FKBP1B: variants seen among roughly 807,000 people sequenced by gnomAD.
FKBP1B encodes the protein peptidyl-prolyl cis-trans isomerase FKBP1B.
Under a neutral mutation model 13.5 loss-of-function variants are expected in FKBP1B, and 4 were observed. The ratio of observed to expected loss-of-function variants is 0.30; its 90% CI spans 0.15 to 0.68. The LOEUF (loss-of-function observed/expected upper bound fraction) is 0.68, where lower values mean the gene tolerates loss of function less well. FKBP1B is among the 30% of genes least tolerant of loss of function. FKBP1B has a pLI of 0.76. For synonymous variants in FKBP1B, 54 were observed against 53.6 expected (o/e 1.01, Z -0.03); for missense variants, 93 against 136.2 (o/e 0.68, Z 1.58).
chr2:24,063,472 C>T lies in FKBP1B; in HGVS notation c.*280C>T. On this transcript the variant is annotated 3_prime_UTR_variant, in exon 4 of 4. Transcript: ENST00000380986. ...CCTTTCCTGATGACAGAACACAGAT[C>T]TCTTGTTCGCACAATCTACACTGCC... 7 of 387,504 alleles carry T rather than the reference C, an allele frequency of 1.8e-5. No individual in the cohort carries two copies. Among genetic ancestry groups the T allele is most frequent in the South Asian group, 1.6e-4 (3 of 18,476 alleles). 24.0% of individuals were successfully genotyped at this position (387,504 alleles called of 1,614,324 possible).
chr2:24,056,245 C>T (rs1228242898), intron 2 of FKBP1B, among the ~76,000 whole-genome samples: 2 of 152,018 alleles, frequency 1.3e-5, no homozygotes, highest in African/African-American at 2.4e-5. Flanking sequence ...CTGCCTCGGC[C>T]TCTCAAAGTG....
rs1244107837 is a variant in FKBP1B, at chr2:24,050,299, C to T, written c.37+413C>T. On this transcript the variant is annotated intron_variant, in intron 1 of 3. Transcript: ENST00000380986. The surrounding 1 kb of genome is among the most constrained non-coding windows in gnomAD (Gnocchi z 5.8). ...TCTCGGATACCCGCTGCTCGGGGAC[C>T]TCCTCCTAGCGCGTCCCCCGCCGGG... Among the ~76,000 whole-genome samples, 11 of 152,200 alleles carry T rather than the reference C, an allele frequency of 7.2e-5. No individual in the cohort carries two copies. In the East Asian group the frequency reaches 1.9e-3, roughly 27 times the overall value.
chr2:24,038,516 C>CCTT, the FKBP1B span: 11 of 1,614,102 alleles, frequency 6.8e-6, no homozygotes, highest in African/African-American at 8.0e-5. Flanking sequence ...ATGGTAACTG[C>CCTT]CTTCTTAAAG....
chr2:24,038,320 CAT>C, the FKBP1B span: 1 of 1,614,214 alleles, frequency 6.2e-7, no homozygotes, highest in East Asian at 2.2e-5. Context: ...TGTCAAGAAA[CAT>C]ATCCCTTTTG....
chr2:24,036,120 C>G, the FKBP1B span, among the ~76,000 whole-genome samples: 1 of 143,156 alleles, frequency 7.0e-6, no homozygotes, highest in Admixed American at 6.9e-5. Context: ...TAAAATGCTC[C>G]TCACAGCAAA....
upstream of FKBP1B, among the ~76,000 whole-genome samples, chr2:24,049,119 G>T (rs1394569297): frequency 2.0e-5 from 3 of 152,140 alleles, no homozygotes; most frequent in Non-Finnish European, 4.4e-5. Context: ...GCTCTGAACT[G>T]CACGGCACTG....
intron 1 of FKBP1B, 53 bp downstream of exon 1, chr2:24,049,939 C>T: frequency 1.5e-6 from 2 of 1,317,994 alleles, no homozygotes; most frequent in Non-Finnish European, 9.8e-7. Context: ...GGGCGGAGCC[C>T]GGAGGGCGGG....
chr2:24,043,833 A>C, the FKBP1B span, among the ~76,000 whole-genome samples: 1 of 152,080 alleles, frequency 6.6e-6, no homozygotes, highest in Non-Finnish European at 1.5e-5. Context: ...CTTATCTGTA[A>C]ATTATTTCGC....
the FKBP1B span, among the ~76,000 whole-genome samples, chr2:24,035,810 C>G: frequency 6.6e-6 from 1 of 151,694 alleles, no homozygotes; most frequent in East Asian, 1.9e-4. Flanking sequence ...GTGGCTTACA[C>G]GTGTAATCTC....
intron 2 of FKBP1B, 103 bp from the exon 3 acceptor site, chr2:24,060,711 G>A: frequency 1.3e-6 from 1 of 776,774 alleles, no homozygotes; most frequent in Non-Finnish European, 2.2e-6. Context: ...CGGAAGAGGA[G>A]CAGGTGTGTG....
chr2:24,057,655 G>A (rs928185173), intron 2 of FKBP1B, among the ~76,000 whole-genome samples: 4 of 152,032 alleles, frequency 2.6e-5, no homozygotes, highest in Non-Finnish European at 5.9e-5. Context: ...TTACAGGCGT[G>A]AGCCACCGGG....
the FKBP1B span, among the ~76,000 whole-genome samples, chr2:24,036,960 A>T: frequency 6.6e-6 from 1 of 152,260 alleles, no homozygotes; most frequent in Non-Finnish European, 1.5e-5. Context: ...GTATAATATG[A>T]TCCCACTTAT....
chr2:24,036,507 C>T, the FKBP1B span, among the ~76,000 whole-genome samples: 1 of 152,188 alleles, frequency 6.6e-6, no homozygotes, highest in African/African-American at 2.4e-5. Context: ...AAGTAAAAAT[C>T]TTTGAGAGGC....
chr2:24,034,777 G>A, the FKBP1B span, among the ~76,000 whole-genome samples: 3 of 152,058 alleles, frequency 2.0e-5, no homozygotes, highest in African/African-American at 7.2e-5. Flanking sequence ...GTTTTGCCAT[G>A]CTGCCCAGGC....
chr2:24,062,469 A>G (rs1472350135), intron 3 of FKBP1B, among the ~76,000 whole-genome samples: 2 of 152,026 alleles, frequency 1.3e-5, no homozygotes, highest in African/African-American at 4.8e-5. Context: ...GTGAGCCACC[A>G]CGCCCGGACT....
upstream of FKBP1B, among the ~76,000 whole-genome samples, chr2:24,048,462 T>C (rs556814941): frequency 7.7e-6 from 1 of 130,560 alleles, no homozygotes; most frequent in East Asian, 2.0e-4. Flanking sequence ...AGAGTGAAGA[T>C]TCTGTCTCAA....
chr2:24,053,327 C>T (rs942770617), intron 1 of FKBP1B, among the ~76,000 whole-genome samples: 5 of 144,398 alleles, frequency 3.5e-5, no homozygotes, highest in Non-Finnish European at 7.5e-5. Context: ...TGGGGTCTCC[C>T]TATGTTACCC....
At chr2:24,059,425 C>T (rs1664286728) in intron 2 of FKBP1B, among the ~76,000 whole-genome samples, 1 of 151,568 alleles carries the variant, frequency 6.6e-6, no homozygotes, top group East Asian at 1.9e-4. Context: ...CTGGAGGCCA[C>T]CTCTGACCAG....
chr2:24,051,778 C>T (rs932495995), intron 1 of FKBP1B, among the ~76,000 whole-genome samples: 5 of 152,164 alleles, frequency 3.3e-5, no homozygotes, highest in African/African-American at 9.7e-5. Context: ...CTTCTGTGGT[C>T]AGTTAGCTGC....
Sources: allele counts gnomAD v4.1 joint callset (sites outside exome capture counted in the v4.1 genomes callset), GRCh38; gene constraint gnomAD v4.1.1; non-coding constraint Gnocchi (gnomAD v3.1); transcripts MANE v1.5; gene names NCBI Gene and HGNC (gene_info 2026-07-23, HGNC 2026-07-21).